Variants in MAP7 observed in about 807,000 individuals in gnomAD.
MAP7 encodes ensconsin.
Under a neutral mutation model 94.8 loss-of-function variants are expected in MAP7, and 52 were observed. The ratio of observed to expected loss-of-function variants is 0.55; its 90% CI spans 0.44 to 0.69. MAP7 has a LOEUF of 0.69. Among genes scored for constraint, MAP7 ranks in the 30% least tolerant of loss-of-function variants. The probability of loss-of-function intolerance (pLI) is 0.00; values close to 1 mark genes in which losing one functional copy is unlikely to be tolerated. For synonymous variants in MAP7, 350 were observed against 357.0 expected, an observed-to-expected ratio of 0.98 and a Z score of 0.22; for missense variants, 940 against 964.6, an observed-to-expected ratio of 0.97 and a Z score of 0.34.
intron 1 of MAP7, among the ~76,000 whole-genome samples, chr6:136,501,722 C>T (rs1819876102): frequency 6.6e-6 from 1 of 152,212 alleles, no homozygotes; most frequent in East Asian, 1.9e-4. Flanking sequence ...CAACTTTCAT[C>T]GCACTCATCC....
intron 1 of MAP7, among the ~76,000 whole-genome samples, chr6:136,515,352 T>C (rs1386310680): frequency 6.6e-6 from 1 of 152,230 alleles, no homozygotes; most frequent in East Asian, 1.9e-4. Context: ...CGCTTTCTTA[T>C]CATTTGTGTT....
chr6:136,419,112 C>T (rs1790442930), intron 2 of MAP7, among the ~76,000 whole-genome samples: 1 of 152,206 alleles, frequency 6.6e-6, no homozygotes, highest in African/African-American at 2.4e-5. Context: ...TCTCTATACA[C>T]TGTGTGCAAT....
intron 1 of MAP7, among the ~76,000 whole-genome samples, chr6:136,449,921 G>T (rs1053626984): frequency 3.3e-5 from 5 of 152,198 alleles, no homozygotes; most frequent in African/African-American, 1.2e-4. Flanking sequence ...GGTGGCGGTG[G>T]CTCATGCCTG....
chr6:136,401,448 GC>G (rs1201980259), intron 3 of MAP7, among the ~76,000 whole-genome samples: 6 of 152,166 alleles, frequency 3.9e-5, no homozygotes, highest in African/African-American at 1.4e-4. Context: ...ATACTATGCA[GC>G]CATAAAAAAG....
intron 1 of MAP7, among the ~76,000 whole-genome samples, chr6:136,491,325 T>A (rs939293687): frequency 7.2e-5 from 11 of 152,168 alleles, no homozygotes; most frequent in African/African-American, 2.7e-4. Flanking sequence ...TCTGACCCAA[T>A]TTATGCCAAT....
At chr6:136,366,510 T>A in intron 8 of MAP7, 71 bp from the exon 9 acceptor site, 1 of 1,033,202 alleles carries the variant, frequency 9.7e-7, no homozygotes, top group Non-Finnish European at 1.5e-6. Context: ...TACTCAACAG[T>A]GGAGCTAGAA....
intron 1 of MAP7, among the ~76,000 whole-genome samples, chr6:136,447,337 A>T (rs1799655730): frequency 6.6e-6 from 1 of 152,228 alleles, no homozygotes; most frequent in Non-Finnish European, 1.5e-5. Context: ...TCTCATTTGT[A>T]ACTGCAGTTT....
chr6:136,527,690 T>C (rs144185434), intron 1 of MAP7, among the ~76,000 whole-genome samples: 25 of 152,364 alleles, frequency 1.6e-4, no homozygotes, highest in African/African-American at 6.0e-4. Flanking sequence ...AATAGTTTGC[T>C]GTAACTAGTC....
At chr6:136,411,790 C>T (rs1328700078) in intron 2 of MAP7, 93 bp from the exon 3 acceptor site, 5 of 1,009,968 alleles carry the variant, frequency 5.0e-6, no homozygotes, top group African/African-American at 4.9e-5. Flanking sequence ...TCCAGTAAAT[C>T]TGAAGAATAA....
At chr6:136,366,173 C>A (rs1345422953) in intron 9 of MAP7, among the ~76,000 whole-genome samples, 154 bp downstream of exon 9, 1 of 152,200 alleles carries the variant, frequency 6.6e-6, no homozygotes, top group Non-Finnish European at 1.5e-5. Flanking sequence ...CTTTAGGGAA[C>A]CATTCCAATT....
intron 1 of MAP7, among the ~76,000 whole-genome samples, chr6:136,431,306 C>T (rs1213053580): frequency 6.6e-6 from 1 of 152,042 alleles, no homozygotes; most frequent in East Asian, 1.9e-4. Context: ...TTTCTAAATA[C>T]TGAGTCCCAT....
At chr6:136,515,970 T>C (rs1824693257) in intron 1 of MAP7, among the ~76,000 whole-genome samples, 2 of 152,252 alleles carry the variant, frequency 1.3e-5, no homozygotes, top group South Asian at 2.1e-4. Flanking sequence ...ACGTGCATAC[T>C]AGACTCTGTA....
chr6:136,414,709 A>G (rs924293828), intron 2 of MAP7, among the ~76,000 whole-genome samples: 14 of 151,486 alleles, frequency 9.2e-5, no homozygotes, highest in African/African-American at 3.4e-4. Context: ...TGGTATGATC[A>G]TGGCTCACTG....
intron 1 of MAP7, among the ~76,000 whole-genome samples, chr6:136,425,153 G>A (rs1792773068): frequency 1.3e-5 from 2 of 152,218 alleles, no homozygotes; most frequent in South Asian, 4.1e-4. Flanking sequence ...GCTGGACAGA[G>A]CAGGAGGGCA....
intron 3 of MAP7, among the ~76,000 whole-genome samples, chr6:136,409,389 T>G (rs565284286): frequency 3.3e-5 from 5 of 152,128 alleles, no homozygotes; most frequent in Admixed American, 2.6e-4. Context: ...AAGATCCCAT[T>G]TCAGAGAAAG....
intron 5 of MAP7, among the ~76,000 whole-genome samples, chr6:136,386,399 C>T (rs140411960): frequency 4.3e-4 from 66 of 152,174 alleles, no homozygotes; most frequent in African/African-American, 1.5e-3. Context: ...CAACAGCTTG[C>T]GAATGCAACA....
chr6:136,409,505 T>C (rs900094309), intron 3 of MAP7, among the ~76,000 whole-genome samples: 1 of 152,222 alleles, frequency 6.6e-6, no homozygotes, highest in African/African-American at 2.4e-5. Flanking sequence ...ATGTAACATA[T>C]AATCATATAA....
At chr6:136,524,225 C>T (rs1827215518) in intron 1 of MAP7, among the ~76,000 whole-genome samples, 1 of 151,926 alleles carries the variant, frequency 6.6e-6, no homozygotes, top group Non-Finnish European at 1.5e-5. Context: ...GCCTGGGCAA[C>T]AGAGCAAGAC....
intron 6 of MAP7, 67 bp from the exon 7 acceptor site, chr6:136,377,935 C>A (rs944285728): frequency 1.1e-5 from 13 of 1,151,040 alleles, no homozygotes; most frequent in African/African-American, 1.1e-4. Flanking sequence ...CATAATACAT[C>A]GTACCTATTG....
Sources: gnomAD v4.1 joint callset for allele counts (sites outside exome capture counted in the v4.1 genomes callset) on GRCh38, gnomAD v4.1.1 for gene constraint, MANE v1.5 for transcripts, NCBI Gene and HGNC (gene_info 2026-07-23, HGNC 2026-07-21) for gene names.